Variants in FBH1 observed in about 807,000 individuals in gnomAD.
FBH1 encodes DNA 3'-5' helicase 1.
In FBH1, 43 loss-of-function variants were observed where a neutral mutation model predicts 115.5. The ratio of observed to expected loss-of-function variants is 0.37; its 90% CI spans 0.29 to 0.48. The LOEUF is 0.48. FBH1 is among the 20% of genes least tolerant of loss of function. The pLI is 0.99. For synonymous variants in FBH1, 524 were observed against 507.8 expected (o/e 1.03, Z -0.43); for missense variants, 1,001 against 1,337.3 (o/e 0.75, Z 3.92).
In FBH1 at chr10:5,935,645, GC is replaced by G. The variant is rs1302974504; in HGVS notation, c.2830-809del. On this transcript the variant is annotated intron_variant, in intron 19 of 20. Transcript: ENST00000362091. The surrounding 1 kb of genome is among the most constrained non-coding windows in gnomAD (Gnocchi z 5.2). ...GTTCTTTTTCATAGCTGGTAGGCAGGCCGTCTAAGAGAAAAGACCAAATAAA... is the reference window on the plus strand; with the variant it reads ...GTTCTTTTTCATAGCTGGTAGGCAGGCGTCTAAGAGAAAAGACCAAATAAA... 1 of 152,256 alleles carries G rather than the reference GC, an allele frequency of 6.6e-6. No individual in the cohort carries two copies. Among genetic ancestry groups the G allele is most frequent in the African/African-American group, 2.4e-5 (1 of 41,472 alleles). The allele number at this position is 152,256 out of a possible 1,614,324, so 9.4% of individuals were successfully genotyped here. A position where few individuals can be genotyped will look rare whatever the true frequency, so the allele number is the denominator to read the frequency against.
chr10:5,898,842 A>G (rs1023993978), intron 1 of FBH1, among the ~76,000 whole-genome samples: 1 of 152,216 alleles, frequency 6.6e-6, no homozygotes, highest in Admixed American at 6.5e-5. Context: ...GAGTTACAGC[A>G]GTGAACCAGG....
In FBH1 at chr10:5,924,566, G is replaced by T; in HGVS notation, c.2596+58G>T. On this transcript the variant is annotated intron_variant, in intron 17 of 20. Coordinates refer to ENST00000362091, the MANE Select transcript of FBH1 (RefSeq NM_178150.3). This position sits in a 1 kb window ranked among gnomAD's most constrained non-coding sequence, Gnocchi z 6.2. ...TAAGAGGAGGAACAGATGGTCTTCT[G>T]CTGTTCTTTTTTTTTTTTTGAGACA... The T allele has an allele frequency of 6.6e-7, 1 of 1,524,610 alleles. No individual in the cohort carries two copies. The highest frequency in any genetic ancestry group is 1.8e-5 in the Admixed American group (1 of 54,538). 94.4% of individuals were successfully genotyped at this position (1,524,610 alleles called of 1,614,324 possible).
At position 5,897,483 on chromosome 10, in the gene FBH1, G is replaced by C. The variant is rs550671819; in HGVS notation, c.2-5537G>C. On this transcript the variant is annotated intron_variant, in intron 1 of 20. Transcript: ENST00000362091. The surrounding 1 kb of genome is among the most constrained non-coding windows in gnomAD (Gnocchi z 4.7). ...ACCAGAGATACAGGTTAGTTTTCCTGACCTCCAGCTGACGTTAGAAAAGTT... is the reference window on the plus strand; with the variant it reads ...ACCAGAGATACAGGTTAGTTTTCCTCACCTCCAGCTGACGTTAGAAAAGTT... Among the ~76,000 whole-genome samples, 4 of 152,236 alleles carry C rather than the reference G, an allele frequency of 2.6e-5. No individual in the cohort carries two copies. The South Asian group carries it at 8.3e-4, about 32-fold the overall frequency.
In FBH1 at chr10:5,890,273, G is replaced by A. The variant is rs1434879752; in HGVS notation, c.-73G>A. The A allele has an allele frequency of 2.7e-6, 1 of 370,514 alleles. No homozygotes were observed. The allele number at this position is 370,514 out of a possible 1,614,324, so 23.0% of individuals were successfully genotyped here. A position where few individuals can be genotyped will look rare whatever the true frequency, so the allele number is the denominator to read the frequency against. ...GGCCAGAGGAGGAGCTCGCTGCCGG[G>A]GGACGCTGGGCTGAGCGGCCGGCGG... On this transcript the variant is annotated 5_prime_UTR_variant, in exon 1 of 21. Transcript: ENST00000362091.
At position 5,925,618 on chromosome 10, in the gene FBH1, C is replaced by G; in HGVS notation, c.2722+126C>G. 8.7e-6 allele frequency: 12 copies of G among 1,383,798 alleles called. No homozygotes were observed. Among genetic ancestry groups the G allele is most frequent in the Admixed American group, 2.3e-5 (1 of 43,776 alleles). The allele number at this position is 1,383,798 out of a possible 1,614,324, so 85.7% of individuals were successfully genotyped here. ...TCCTGGTAGGGCACTTCTGGAAAAA[C>G]TAAACCACAAAACACCTCCTAGTCC... On this transcript the variant is annotated intron_variant, in intron 18 of 20. Transcript: ENST00000362091. This position sits in a 1 kb window ranked among gnomAD's most constrained non-coding sequence, Gnocchi z 4.6.
intron 9 of FBH1, 60 bp from the exon 10 acceptor site, chr10:5,916,174 A>G (rs1197460595): frequency 7.1e-7 from 1 of 1,412,940 alleles, no homozygotes; most frequent in Admixed American, 1.7e-5. Context: ...AATGGAGGGG[A>G]CGTTCAATAG....
chr10:5,918,903 C>G lies in FBH1; in HGVS notation c.2100+425C>G, dbSNP rs925098286. 3.9e-5 allele frequency among the ~76,000 whole-genome samples: 6 copies of G among 152,210 alleles called. No individual in the cohort carries two copies. Among genetic ancestry groups the G allele is most frequent in the African/African-American group, 1.2e-4 (5 of 41,462 alleles). ...AAATTAAAATGTTGGCAAACTCTCC[C>G]ATAATGAATGTGACAACTCACAGTG... On this transcript the variant is annotated intron_variant, in intron 13 of 20. Transcript: ENST00000362091. This position sits in a 1 kb window ranked among gnomAD's most constrained non-coding sequence, Gnocchi z 4.0.
At chr10:5,894,879 T>C (rs1842922224) in intron 1 of FBH1, among the ~76,000 whole-genome samples, 2 of 152,210 alleles carry the variant, frequency 1.3e-5, no homozygotes, top group South Asian at 4.1e-4. Flanking sequence ...AAACAATAAT[T>C]CATATAAGAC....
rs1397520650 is a variant in FBH1, at chr10:5,931,682, C to G, written c.2829+4141C>G. ...ATGATGTATTTATTAGTCAAAATAT[C>G]ATGTTCTGAAGTCACTTAAAGTAAG... On this transcript the variant is annotated intron_variant, in intron 19 of 20. Coordinates refer to ENST00000362091, the MANE Select transcript of FBH1 (RefSeq NM_178150.3). The surrounding 1 kb of genome is among the most constrained non-coding windows in gnomAD (Gnocchi z 4.3). Among the ~76,000 whole-genome samples the G allele has an allele frequency of 6.6e-6, 1 of 152,170 alleles. No homozygotes were observed. The highest frequency in any genetic ancestry group is 1.9e-4 in the East Asian group (1 of 5,208).
chr10:5,917,771 A>T lies in FBH1; in HGVS notation c.1963+95A>T. The T allele has an allele frequency of 1.1e-6, 1 of 950,292 alleles. No individual in the cohort carries two copies. Among genetic ancestry groups the T allele is most frequent in the Non-Finnish European group, 1.6e-6 (1 of 615,450 alleles). The allele number at this position is 950,292 out of a possible 1,614,324, so 58.9% of individuals were successfully genotyped here. On this transcript the variant is annotated intron_variant, in intron 12 of 20. Transcript: ENST00000362091. This position sits in a 1 kb window ranked among gnomAD's most constrained non-coding sequence, Gnocchi z 5.6. Reference sequence around the variant, plus strand: ...ACCTGTGTGAACTAAGTTGATTATTATTATTTGTGATAAAGAAGAGGATCT... The same window carrying T: ...ACCTGTGTGAACTAAGTTGATTATTTTTATTTGTGATAAAGAAGAGGATCT...
rs1174334842 is a variant in FBH1 at position 5,917,983 on chromosome 10, A to G, written c.1963+307A>G. On this transcript the variant is annotated intron_variant, in intron 12 of 20. Coordinates refer to ENST00000362091, the MANE Select transcript of FBH1 (RefSeq NM_178150.3). The surrounding 1 kb of genome is among the most constrained non-coding windows in gnomAD (Gnocchi z 5.6). ...TGACAGGGAAAAGCTTGTGTTGTCTACTTCTCAAGTGGCTAGGAGAGAACA... is the reference window on the plus strand; with the variant it reads ...TGACAGGGAAAAGCTTGTGTTGTCTGCTTCTCAAGTGGCTAGGAGAGAACA... Among the ~76,000 whole-genome samples, 3 of 152,220 alleles carry G rather than the reference A, an allele frequency of 2.0e-5. No homozygotes were observed. The highest frequency in any genetic ancestry group is 4.4e-5 in the Non-Finnish European group (3 of 68,036).
chr10:5,914,224 C>T lies in FBH1; in HGVS notation c.1351C>T (p.His451Tyr). 1 of 1,614,258 alleles carries T rather than the reference C, an allele frequency of 6.2e-7. No homozygotes were observed. Among genetic ancestry groups the T allele is most frequent in the Non-Finnish European group, 8.5e-7 (1 of 1,180,052 alleles). ...ACATGAACAACAGCTGATTCTGAAT[C>T]ACAAGATGGAACCTCTCCAGGTGGT... Reference protein sequence around the residue: ...LTHEQQLILNHKMEPLQVVKI... With the variant: ...LTHEQQLILNYKMEPLQVVKI... Residue 451 changes from histidine to tyrosine, a missense_variant, in exon 8 of 21, where the codon CAC (histidine) becomes TAC (tyrosine). Coordinates refer to ENST00000362091, the MANE Select transcript of FBH1 (RefSeq NM_178150.3). This position sits in a 1 kb window ranked among gnomAD's most constrained non-coding sequence, Gnocchi z 5.2.
chr10:5,890,256 G>A lies in FBH1; in HGVS notation c.-90G>A, dbSNP rs1463688120. 3 of 365,666 alleles carry A rather than the reference G, an allele frequency of 8.2e-6. No homozygotes were observed. The highest frequency in any genetic ancestry group is 1.5e-5 in the Non-Finnish European group (3 of 195,328). The allele number at this position is 365,666 out of a possible 1,614,324, so 22.7% of individuals were successfully genotyped here. ...CTCGGGCTCCAGGTCCCGGCCAGAG[G>A]AGGAGCTCGCTGCCGGGGGACGCTG... On this transcript the variant is annotated 5_prime_UTR_variant, in exon 1 of 21. Coordinates refer to ENST00000362091, the MANE Select transcript of FBH1 (RefSeq NM_178150.3).
intron 2 of FBH1, among the ~76,000 whole-genome samples, chr10:5,904,089 C>G (rs1843545453): frequency 6.6e-6 from 1 of 151,546 alleles, no homozygotes. Context: ...GGGTCTTGCT[C>G]TGTCATCCAG....
At position 5,906,801 on chromosome 10, in the gene FBH1, C is replaced by T. The variant is rs1386409911; in HGVS notation, c.753+169C>T. ...CTTCCGTGTCTGCCCCACCCTATGA[C>T]TCTAGCCTCTTTGTTCACTTCCACT... On this transcript the variant is annotated intron_variant, in intron 3 of 20. Coordinates refer to ENST00000362091, the MANE Select transcript of FBH1 (RefSeq NM_178150.3). The surrounding 1 kb of genome is among the most constrained non-coding windows in gnomAD (Gnocchi z 7.3). Among the ~76,000 whole-genome samples the T allele has an allele frequency of 6.6e-6, 1 of 152,174 alleles. No homozygotes were observed. Among genetic ancestry groups the T allele is most frequent in the Non-Finnish European group, 1.5e-5 (1 of 68,030 alleles).
chr10:5,921,622 C>A lies in FBH1; in HGVS notation c.2322+53C>A. 6.4e-7 allele frequency: 1 copy of A among 1,572,298 alleles called. No homozygotes were observed. Among genetic ancestry groups the A allele is most frequent in the Non-Finnish European group, 8.6e-7 (1 of 1,169,336 alleles). On this transcript the variant is annotated intron_variant, in intron 15 of 20. Transcript: ENST00000362091. The surrounding 1 kb of genome is among the most constrained non-coding windows in gnomAD (Gnocchi z 6.4). ...CATGCACAGAAACGTTGTAGACGAA[C>A]ATACCCAATGGAAATGTTCACCTTC...
chr10:5,906,673 C>A lies in FBH1; in HGVS notation c.753+41C>A. 6.6e-7 allele frequency: 1 copy of A among 1,515,222 alleles called. No homozygotes were observed. The highest frequency in any genetic ancestry group is 9.0e-7 in the Non-Finnish European group (1 of 1,116,886). The allele number at this position is 1,515,222 out of a possible 1,614,324, so 93.9% of individuals were successfully genotyped here. ...AGTCGGGAGATGTTTCCTCTAAAAG[C>A]ACGTAACTTTGCTTAATGCACGCTT... On this transcript the variant is annotated intron_variant, in intron 3 of 20. Coordinates refer to ENST00000362091, the MANE Select transcript of FBH1 (RefSeq NM_178150.3). The surrounding 1 kb of genome is among the most constrained non-coding windows in gnomAD (Gnocchi z 7.3).
At chr10:5,919,535 A>T (rs557211843) in intron 13 of FBH1, among the ~76,000 whole-genome samples, 31 of 152,220 alleles carry the variant, frequency 2.0e-4, no homozygotes, top group Non-Finnish European at 3.8e-4. Context: ...AAAATTTATA[A>T]TATGGTAAAT....
Position 5,936,636 on chromosome 10 carries a change from T to A in FBH1, c.2961+49T>A, listed in dbSNP as rs746351882. 1.6e-5 allele frequency: 25 copies of A among 1,605,430 alleles called. No homozygotes were observed. The South Asian group carries it at 2.5e-4, about 16-fold the overall frequency. On this transcript the variant is annotated intron_variant, in intron 20 of 20. Transcript: ENST00000362091. The surrounding 1 kb of genome is among the most constrained non-coding windows in gnomAD (Gnocchi z 5.6). ...TAATTCAGCCATTTGCATTTTTTGC[T>A]TGTGAGCTCTGTGCTTATCTGGGTT... is the stretch of plus-strand genomic sequence containing the variant.
Sources: gnomAD v4.1 joint callset for allele counts (sites outside exome capture counted in the v4.1 genomes callset) on GRCh38, gnomAD v4.1.1 for gene constraint, Gnocchi (gnomAD v3.1) non-coding constraint, MANE v1.5 for transcripts, NCBI Gene and HGNC (gene_info 2026-07-23, HGNC 2026-07-21) for gene names.